The following AXDND1 variants were observed in gnomAD, a reference collection of about 807,000 sequenced individuals.
The protein encoded by AXDND1 is axonemal dynein light chain domain containing 1.
AXDND1 carries 110 observed loss-of-function variants against 137.5 expected under a neutral mutation model. That is an observed-to-expected ratio of 0.80 (90% CI 0.69 to 0.94). AXDND1 has a LOEUF of 0.94. AXDND1 is among the 40% of genes least tolerant of loss of function. The pLI, the probability that AXDND1 is intolerant of heterozygous loss-of-function variation, is 0.00. For synonymous variants in AXDND1, 414 were observed against 399.7 expected, an observed-to-expected ratio of 1.04 and a Z score of -0.43; for missense variants, 1,191 against 1,169.8, an observed-to-expected ratio of 1.02 and a Z score of -0.26.
intron 25 of AXDND1, chr1:179,552,826 T>G: frequency 2.8e-6 from 2 of 704,982 alleles, no homozygotes; most frequent in Non-Finnish European, 5.2e-6. Flanking sequence ...CCTAGACTTC[T>G]GAGGTCAAAA....
intron 12 of AXDND1, among the ~76,000 whole-genome samples, chr1:179,424,201 T>TC (rs1656219657): frequency 1.3e-5 from 2 of 152,170 alleles, no homozygotes; most frequent in African/African-American, 4.8e-5. Context: ...TCCTGCCCTG[T>TC]ATGGTTTCCA....
chr1:179,403,615 C>G (rs959783892), intron 11 of AXDND1, among the ~76,000 whole-genome samples: 1 of 152,190 alleles, frequency 6.6e-6, no homozygotes, highest in African/African-American at 2.4e-5. Context: ...GCTCTGTCGC[C>G]CAGGCTGGAG....
rs778665769 is a variant in AXDND1 at position 179,541,213 on chromosome 1, C to A, written c.3031+6251C>A. 3.9e-5 allele frequency among the ~76,000 whole-genome samples: 6 copies of A among 152,148 alleles called. No individual in the cohort carries two copies. In the East Asian group the frequency reaches 7.7e-4, roughly 20 times the overall value. ...GCATAGTATTTTGGCAAGAGTGTAC[C>A]GTCGCACCTGGTACAGTCTCTCATG... is the stretch of plus-strand genomic sequence containing the variant. On this transcript the variant is annotated intron_variant, in intron 25 of 25. Transcript: ENST00000367618.
At chr1:179,411,675 T>C (rs1307783555) in intron 12 of AXDND1, among the ~76,000 whole-genome samples, 1 of 152,188 alleles carries the variant, frequency 6.6e-6, no homozygotes, top group African/African-American at 2.4e-5. Flanking sequence ...AAGGGTCTTT[T>C]TTTTTTTAAG....
chr1:179,502,506 G>T (rs1176748668), intron 20 of AXDND1, among the ~76,000 whole-genome samples: 2 of 149,240 alleles, frequency 1.3e-5, no homozygotes, highest in Non-Finnish European at 3.0e-5. Context: ...AAAGTTTGTG[G>T]TGAGCCAAGA....
intron 18 of AXDND1, among the ~76,000 whole-genome samples, chr1:179,485,244 A>G (rs72704416): frequency 0.093 from 14,150 of 152,196 alleles, 924 homozygotes; most frequent in African/African-American, 0.17. Context: ...CACGGATCCC[A>G]CTGTCACCAC....
intron 25 of AXDND1, 140 bp from the exon 26 acceptor site, chr1:179,554,372 G>A (rs896831609): frequency 1.4e-4 from 191 of 1,325,800 alleles, no homozygotes; most frequent in Non-Finnish European, 2.0e-4. Context: ...ATGCTGATAT[G>A]GCTATAGTAC....
chr1:179,400,423 A>G (rs1277623695), intron 11 of AXDND1, among the ~76,000 whole-genome samples: 2 of 151,930 alleles, frequency 1.3e-5, no homozygotes, highest in Non-Finnish European at 2.9e-5. Flanking sequence ...ACTTGGGGGA[A>G]AGAGTGGGAG....
chr1:179,452,697 A>G (rs1660717336), intron 16 of AXDND1: 1 of 110,986 alleles, frequency 9.0e-6, no homozygotes, highest in Non-Finnish European at 1.9e-5. Flanking sequence ...TCCGTCTCAA[A>G]AAAAAAAAAA....
At chr1:179,545,864 T>C (rs1672595340) in intron 25 of AXDND1, 1 of 152,088 alleles carries the variant, frequency 6.6e-6, no homozygotes. Flanking sequence ...GGACCCACAT[T>C]AGCTGAGGTG....
At chr1:179,551,511 T>C in intron 25 of AXDND1, 3 of 1,595,482 alleles carry the variant, frequency 1.9e-6, no homozygotes, top group Non-Finnish European at 2.6e-6. Context: ...GCTTCACCAC[T>C]ATGCAGTATG....
chr1:179,445,464 T>C (rs936448135), intron 16 of AXDND1, among the ~76,000 whole-genome samples: 2 of 152,094 alleles, frequency 1.3e-5, no homozygotes, highest in Non-Finnish European at 2.9e-5. Flanking sequence ...TTTAGATTAT[T>C]TTCATCAAAA....
chr1:179,410,398 T>C (rs1312099512), intron 11 of AXDND1, among the ~76,000 whole-genome samples: 1 of 152,118 alleles, frequency 6.6e-6, no homozygotes, highest in Non-Finnish European at 1.5e-5. Flanking sequence ...ACCTGGCTAA[T>C]TTTTGTATTT....
chr1:179,529,437 G>A (rs1238869440), intron 23 of AXDND1, among the ~76,000 whole-genome samples: 1 of 152,190 alleles, frequency 6.6e-6, no homozygotes, highest in Non-Finnish European at 1.5e-5. Flanking sequence ...ATATAAATTT[G>A]TTTAACATGT....
chr1:179,511,082 G>A (rs1425808746), intron 21 of AXDND1, among the ~76,000 whole-genome samples: 3 of 151,690 alleles, frequency 2.0e-5, no homozygotes, highest in East Asian at 1.9e-4. Context: ...CAGGAGAATC[G>A]CTTGAACCCA....
intron 19 of AXDND1, 146 bp downstream of exon 19, chr1:179,491,883 G>T: frequency 1.4e-6 from 1 of 727,126 alleles, no homozygotes; most frequent in Non-Finnish European, 2.1e-6. Context: ...TTAACACTGT[G>T]AGCAGTTATA....
intron 25 of AXDND1, among the ~76,000 whole-genome samples, chr1:179,553,832 G>T (rs186477989): frequency 7.2e-5 from 11 of 151,794 alleles, no homozygotes; most frequent in Non-Finnish European, 1.2e-4. Context: ...TGCAGCCTCC[G>T]CCTCCCGGGT....
intron 23 of AXDND1, among the ~76,000 whole-genome samples, chr1:179,528,798 G>A (rs76741118): frequency 5.3e-5 from 8 of 151,970 alleles, no homozygotes; most frequent in African/African-American, 1.9e-4. Flanking sequence ...CACCATATTG[G>A]CTAGGCTGGT....
chr1:179,419,965 G>A (rs1052147411), intron 12 of AXDND1, among the ~76,000 whole-genome samples: 1 of 151,996 alleles, frequency 6.6e-6, no homozygotes, highest in Non-Finnish European at 1.5e-5. Context: ...TAATTGCTCT[G>A]TCCAGGACTT....
Sources: allele counts gnomAD v4.1 joint callset (sites outside exome capture counted in the v4.1 genomes callset), GRCh38; gene constraint gnomAD v4.1.1; transcripts MANE v1.5; gene names NCBI Gene and HGNC (gene_info 2026-07-23, HGNC 2026-07-21).